ORC5: variants seen among roughly 807,000 people sequenced by gnomAD.
ORC5 encodes the protein protein phosphatase 1, regulatory subunit 117.
In ORC5, 39 loss-of-function variants were observed where a neutral mutation model predicts 58.8. That is an observed-to-expected ratio of 0.66 (90% CI 0.51 to 0.87). ORC5 has a LOEUF of 0.87. Among genes scored for constraint, ORC5 ranks in the 40% least tolerant of loss-of-function variants. The pLI is 0.00. For synonymous variants in ORC5, 218 were observed against 177.6 expected (o/e 1.23, Z -1.81); for missense variants, 493 against 506.3 (o/e 0.97, Z 0.25).
intron 13 of ORC5, among the ~76,000 whole-genome samples, chr7:104,128,682 C>G (rs542897039): frequency 3.9e-5 from 5 of 126,806 alleles, no homozygotes; most frequent in Non-Finnish European, 5.0e-5. Flanking sequence ...CCCTCCCCCC[C>G]ACCCCACAAC....
At chr7:104,205,084 CTCT>C (rs1562832990) in intron 1 of ORC5, among the ~76,000 whole-genome samples, 1 of 102,358 alleles carries the variant, frequency 9.8e-6, no homozygotes. Flanking sequence ...TTTAATAATA[CTCT>C]TTTTTTTTTT....
At chr7:104,197,246 A>G (rs1348089266) in intron 4 of ORC5, among the ~76,000 whole-genome samples, 4 of 152,218 alleles carry the variant, frequency 2.6e-5, no homozygotes, top group African/African-American at 7.2e-5. Flanking sequence ...CCAAGAATCT[A>G]CTGAGATGTT....
At chr7:104,173,148 C>G (rs1477035578) in intron 8 of ORC5, among the ~76,000 whole-genome samples, 1 of 152,168 alleles carries the variant, frequency 6.6e-6, no homozygotes, top group Non-Finnish European at 1.5e-5. Flanking sequence ...TAACCTTGCA[C>G]AAAGGCCATC....
intron 12 of ORC5, among the ~76,000 whole-genome samples, chr7:104,158,620 A>G (rs563842429): frequency 6.6e-6 from 1 of 152,222 alleles, no homozygotes; most frequent in South Asian, 2.1e-4. Flanking sequence ...GAACTCAAAC[A>G]AATTTACAAA....
At chr7:104,171,930 G>C (rs891786617) in intron 8 of ORC5, among the ~76,000 whole-genome samples, 6 of 152,166 alleles carry the variant, frequency 3.9e-5, no homozygotes, top group African/African-American at 9.7e-5. Flanking sequence ...TCCAGCCTCA[G>C]AACTGTTCAA....
intron 12 of ORC5, among the ~76,000 whole-genome samples, chr7:104,156,032 A>C (rs17159574): frequency 0.028 from 4,314 of 151,824 alleles, 183 homozygotes; most frequent in African/African-American, 0.099. Context: ...TATAAACTTT[A>C]CCCATTTACT....
chr7:104,130,498 A>T (rs1409682233), intron 13 of ORC5, among the ~76,000 whole-genome samples: 1 of 152,062 alleles, frequency 6.6e-6, no homozygotes, highest in Non-Finnish European at 1.5e-5. Context: ...TCCTGTGCAA[A>T]AAGCTCTGCT....
intron 12 of ORC5, among the ~76,000 whole-genome samples, chr7:104,151,555 T>C (rs371891744): frequency 6.6e-6 from 1 of 152,194 alleles, no homozygotes; most frequent in African/African-American, 2.4e-5. Flanking sequence ...GTATACTACA[T>C]GGCAGGTGCT....
intron 12 of ORC5, among the ~76,000 whole-genome samples, chr7:104,150,558 A>AG (rs1230132385): frequency 6.6e-6 from 1 of 150,976 alleles, no homozygotes; most frequent in Admixed American, 6.6e-5. Context: ...AAAAAAAAAA[A>AG]GGAGAGTGGT....
intron 6 of ORC5, among the ~76,000 whole-genome samples, chr7:104,185,397 T>A (rs142572682): frequency 6.6e-6 from 1 of 152,332 alleles, no homozygotes; most frequent in East Asian, 1.9e-4. Flanking sequence ...TTTGTTCTTT[T>A]AGGTTATATT....
Position 104,195,116 on chromosome 7 carries a change from T to A in ORC5, c.553+27A>T, listed in dbSNP as rs201223609. ...CAAAAACTATTCTCCTGCATATCATTTGCCAAAACAATGTTTTAAGGTTTA... is the reference window on the plus strand; with the variant it reads ...CAAAAACTATTCTCCTGCATATCATATGCCAAAACAATGTTTTAAGGTTTA... On this transcript the variant is annotated intron_variant, in intron 5 of 13. Transcript: ENST00000297431. 2.3e-5 allele frequency: 27 copies of A among 1,194,104 alleles called. No individual in the cohort carries two copies. In the Middle Eastern group the frequency reaches 7.6e-4, roughly 34 times the overall value. 74.0% of individuals were successfully genotyped at this position (1,194,104 alleles called of 1,614,324 possible).
chr7:104,177,794 CG>C (rs1562819979), intron 8 of ORC5, among the ~76,000 whole-genome samples: 13 of 152,246 alleles, frequency 8.5e-5, no homozygotes, highest in South Asian at 8.3e-4. Context: ...CATTGTTCAA[CG>C]TCCACTTAGA....
At chr7:104,148,902 C>T (rs1225473136) in intron 12 of ORC5, among the ~76,000 whole-genome samples, 5 of 152,000 alleles carry the variant, frequency 3.3e-5, no homozygotes, top group East Asian at 3.9e-4. Context: ...GGTGTGGTGG[C>T]GCATGCCTGT....
At chr7:104,204,032 G>A (rs1442589859) in intron 2 of ORC5, 110 bp downstream of exon 2, 3 of 546,192 alleles carry the variant, frequency 5.5e-6, no homozygotes, top group Non-Finnish European at 9.8e-6. Context: ...GGGAAGGAGA[G>A]TAATGTAAAG....
intron 6 of ORC5, among the ~76,000 whole-genome samples, chr7:104,185,113 T>C (rs567665178): frequency 1.2e-3 from 181 of 151,234 alleles, no homozygotes; most frequent in African/African-American, 4.2e-3. Context: ...TTGTATGCAA[T>C]AGCTAATGCA....
chr7:104,127,680 T>C (rs940509084), intron 13 of ORC5, among the ~76,000 whole-genome samples: 1 of 152,264 alleles, frequency 6.6e-6, no homozygotes, highest in African/African-American at 2.4e-5. Flanking sequence ...AAAGATTCAC[T>C]AATTGCATGC....
At position 104,207,955 on chromosome 7, in the gene ORC5, G is replaced by C. The variant is rs780642882; in HGVS notation, c.-51C>G. Reference sequence around the variant, plus strand: ...AGTGCAGCCAGCCCACAGGACCCTTGCACAAGACGGAGCCTCTCCCGAGTC... The same window carrying C: ...AGTGCAGCCAGCCCACAGGACCCTTCCACAAGACGGAGCCTCTCCCGAGTC... On this transcript the variant is annotated 5_prime_UTR_variant, in exon 1 of 14. Coordinates refer to ENST00000297431, the MANE Select transcript of ORC5 (RefSeq NM_002553.4). The C allele has an allele frequency of 3.2e-6, 5 of 1,545,420 alleles. No individual in the cohort carries two copies. The South Asian group carries it at 3.3e-5, about 10-fold the overall frequency.
chr7:104,194,115 T>TTTA (rs56085561), intron 5 of ORC5, among the ~76,000 whole-genome samples: 1 of 150,050 alleles, frequency 6.7e-6, no homozygotes, highest in Non-Finnish European at 1.5e-5. Context: ...TTTTTTTTTT[T>TTTA]AAATAAAATC....
intron 8 of ORC5, among the ~76,000 whole-genome samples, chr7:104,177,437 T>G (rs1799345115): frequency 6.6e-6 from 1 of 152,120 alleles, no homozygotes; most frequent in African/African-American, 2.4e-5. Context: ...TGTGACAAAA[T>G]TTCTTGCTTC....
Sources: gnomAD v4.1 joint callset for allele counts (sites outside exome capture counted in the v4.1 genomes callset) on GRCh38, gnomAD v4.1.1 for gene constraint, MANE v1.5 for transcripts, NCBI Gene and HGNC (gene_info 2026-07-23, HGNC 2026-07-21) for gene names.